B4GALT4: variants seen among roughly 807,000 people sequenced by gnomAD.
The protein encoded by B4GALT4 is beta-1,4-galactosyltransferase 4, also known as N-acetyllactosamine synthase.
B4GALT4 carries 27 observed loss-of-function variants against 37.3 expected under a neutral mutation model. That is an observed-to-expected ratio of 0.72 (90% CI 0.53 to 1.00). The LOEUF (loss-of-function observed/expected upper bound fraction) is 1.00, where lower values mean the gene tolerates loss of function less well. B4GALT4 is among the 50% of genes least tolerant of loss of function. B4GALT4 has a pLI of 0.00. For synonymous variants in B4GALT4, 148 were observed against 154.1 expected, an observed-to-expected ratio of 0.96 and a Z score of 0.29; for missense variants, 372 against 413.1, an observed-to-expected ratio of 0.90 and a Z score of 0.86.
chr3:119,221,856 C>T (rs1030763984), intron 5 of B4GALT4, among the ~76,000 whole-genome samples: 2 of 152,194 alleles, frequency 1.3e-5, no homozygotes, highest in African/African-American at 4.8e-5. Flanking sequence ...CAAAGGCTTT[C>T]TGATACCTAG....
intron 1 of B4GALT4, among the ~76,000 whole-genome samples, chr3:119,238,092 C>T (rs963299670): frequency 2.0e-5 from 3 of 151,894 alleles, no homozygotes; most frequent in Non-Finnish European, 4.4e-5. Context: ...CATGTTGAAA[C>T]CCCTCCTCTA....
intron 2 of B4GALT4, chr3:119,232,433 C>T (rs143328592): frequency 1.3e-5 from 2 of 152,342 alleles, no homozygotes; most frequent in African/African-American, 4.8e-5. Context: ...AAAGCCCACA[C>T]GACTAGTAAG....
chr3:119,220,057 C>T (rs2078404871), intron 5 of B4GALT4, among the ~76,000 whole-genome samples: 1 of 152,194 alleles, frequency 6.6e-6, no homozygotes, highest in African/African-American at 2.4e-5. Flanking sequence ...TCAGTTGTTT[C>T]TTTCTACGTT....
In B4GALT4 at chr3:119,226,887, G is replaced by A. The variant is rs1013214815; in HGVS notation, c.408C>T (p.His136=). 2 of 1,614,174 alleles carry A rather than the reference G, an allele frequency of 1.2e-6. No homozygotes were observed. The highest frequency in any genetic ancestry group is 2.7e-5 in the African/African-American group (2 of 75,032). ...GCAGATGTTCCAGCAGGTACATCAG[G>A]TGTTTCTCTCTGTTCCGGTGGGGAA... ...ILVPHRNREK[H]LMYLLEHLHP... is the part of the protein sequence containing the mutation. Residue 136 remains histidine, a synonymous_variant, in exon 4 of 8, where the codon CAC becomes CAT. Coordinates refer to ENST00000393765, the MANE Select transcript of B4GALT4 (RefSeq NM_003778.4).
chr3:119,231,434 C>G (rs1194922744), intron 2 of B4GALT4, among the ~76,000 whole-genome samples: 1 of 152,116 alleles, frequency 6.6e-6, no homozygotes, highest in Non-Finnish European at 1.5e-5. Flanking sequence ...AAAGCTAGGG[C>G]ACAGATAATC....
intron 2 of B4GALT4, among the ~76,000 whole-genome samples, chr3:119,233,385 A>G (rs2078884641): frequency 6.6e-6 from 1 of 152,190 alleles, no homozygotes; most frequent in South Asian, 2.1e-4. Context: ...CTTGAACAAC[A>G]TGGGTTTGAA....
At chr3:119,239,642 C>T (rs1302826795) in intron 1 of B4GALT4, among the ~76,000 whole-genome samples, 2 of 152,186 alleles carry the variant, frequency 1.3e-5, no homozygotes, top group Admixed American at 1.3e-4. Context: ...TCCACTTCCC[C>T]TTAGATTATG....
intron 1 of B4GALT4, among the ~76,000 whole-genome samples, chr3:119,237,427 T>C (rs2079017069): frequency 6.6e-6 from 1 of 152,214 alleles, no homozygotes; most frequent in East Asian, 1.9e-4. Flanking sequence ...TTAAAAAGCA[T>C]TTCTCAACAT....
At chr3:119,235,355 GC>G (rs2078953963) in intron 2 of B4GALT4, 1 of 152,192 alleles carries the variant, frequency 6.6e-6, no homozygotes, top group South Asian at 2.1e-4. Context: ...TATTTACTAA[GC>G]ATTTGCACCA....
chr3:119,230,961 TTAAC>T (rs2078794665), intron 2 of B4GALT4, among the ~76,000 whole-genome samples: 1 of 152,188 alleles, frequency 6.6e-6, no homozygotes, highest in African/African-American at 2.4e-5. Flanking sequence ...GGCCAGTCAT[TTAAC>T]TAAGCCTCAG....
At chr3:119,221,138 G>A (rs371107889) in intron 5 of B4GALT4, among the ~76,000 whole-genome samples, 2 of 152,234 alleles carry the variant, frequency 1.3e-5, no homozygotes, top group South Asian at 4.1e-4. Context: ...TTAAAGCCCT[G>A]TAAGGCCCAA....
At chr3:119,228,856 A>ATCTCTGTCTTTCTCTCTCCCTC (rs2078715987) in intron 3 of B4GALT4, among the ~76,000 whole-genome samples, 2 of 142,358 alleles carry the variant, frequency 1.4e-5, no homozygotes, top group East Asian at 4.2e-4. Context: ...AGATCTATCT[A>ATCTCTGTCTTTCTCTCTCCCTC]TCTCTGTCTT....
rs534219967 is a variant in B4GALT4 at position 119,217,078 on chromosome 3, C to G, written c.798-734G>C. On this transcript the variant is annotated intron_variant, in intron 6 of 7. Transcript: ENST00000393765. ...GTTTATCTACCACATTAGTCAAAAA[C>G]CATTCTGAAGGCCATGATGGTCTTT... Among the ~76,000 whole-genome samples the G allele has an allele frequency of 6.6e-5, 10 of 152,332 alleles. No individual in the cohort carries two copies. In the South Asian group the frequency reaches 2.1e-3, roughly 32 times the overall value.
intron 2 of B4GALT4, among the ~76,000 whole-genome samples, chr3:119,231,102 A>T (rs2078799522): frequency 6.6e-6 from 1 of 152,248 alleles, no homozygotes; most frequent in African/African-American, 2.4e-5. Context: ...GACACACTGA[A>T]ACACCACTTT....
At chr3:119,231,482 G>A (rs2078813599) in intron 2 of B4GALT4, among the ~76,000 whole-genome samples, 2 of 151,938 alleles carry the variant, frequency 1.3e-5, no homozygotes, top group South Asian at 2.1e-4. Context: ...ATAAAATGGA[G>A]ACCAAAATAT....
Position 119,224,174 on chromosome 3 carries a change from A to AT in B4GALT4, c.557dup (p.Asn186LysfsTer17). On this transcript the variant is annotated frameshift_variant, in exon 5 of 8. Coordinates refer to ENST00000393765, the MANE Select transcript of B4GALT4 (RefSeq NM_003778.4). LOFTEE classifies it high-confidence loss of function. ...CATCGTGGAATATAAAGCAGTCCCA[A>AT]TTTTCTTCCTTGAGGGCTTCTAGAT... The AT allele has an allele frequency of 6.2e-7, 1 of 1,613,768 alleles. No individual in the cohort carries two copies. Among genetic ancestry groups the AT allele is most frequent in the Non-Finnish European group, 8.5e-7 (1 of 1,179,926 alleles).
chr3:119,212,703 G>C, intron 7 of B4GALT4, 22 bp from the exon 8 acceptor site: 1 of 1,568,980 alleles, frequency 6.4e-7, no homozygotes. Flanking sequence ...AAGAACAAAT[G>C]TGAATGATAA....
At chr3:119,219,545 T>C (rs1378476708) in intron 5 of B4GALT4, among the ~76,000 whole-genome samples, 1 of 152,236 alleles carries the variant, frequency 6.6e-6, no homozygotes, top group Admixed American at 6.5e-5. Flanking sequence ...ACTACAGATA[T>C]GGCTTTGGAA....
chr3:119,223,382 T>C (rs1218645855), intron 5 of B4GALT4, among the ~76,000 whole-genome samples: 2 of 152,252 alleles, frequency 1.3e-5, no homozygotes, highest in Non-Finnish European at 2.9e-5. Flanking sequence ...ATATAGTGTT[T>C]CATTTGCAGA....
Sources: allele counts gnomAD v4.1 joint callset (sites outside exome capture counted in the v4.1 genomes callset), GRCh38; gene constraint gnomAD v4.1.1; transcripts MANE v1.5; gene names NCBI Gene and HGNC (gene_info 2026-07-23, HGNC 2026-07-21).